Variants in SNX25 observed in about 807,000 individuals in gnomAD.
SNX25 encodes sorting nexin-25.
A neutral mutation model predicts 113.7 loss-of-function variants in SNX25; 62 were observed. The ratio of observed to expected loss-of-function variants is 0.55; its 90% CI spans 0.44 to 0.67. The LOEUF (loss-of-function observed/expected upper bound fraction) is 0.67, where lower values mean the gene tolerates loss of function less well. Among genes scored for constraint, SNX25 ranks in the 30% least tolerant of loss-of-function variants. The pLI, the probability that SNX25 is intolerant of heterozygous loss-of-function variation, is 0.00. For synonymous variants in SNX25, 421 were observed against 436.2 expected, an observed-to-expected ratio of 0.97 and a Z score of 0.43; for missense variants, 1,014 against 1,161.0, an observed-to-expected ratio of 0.87 and a Z score of 1.84.
intron 17 of SNX25, 78 bp downstream of exon 17, chr4:185,362,183 G>A (rs2095367720): frequency 6.9e-7 from 1 of 1,444,476 alleles, no homozygotes; most frequent in African/African-American, 1.4e-5. Context: ...TTTCATTTAT[G>A]TCTTGCAGGA....
the SNX25 span, chr4:185,378,010 C>G: frequency 1.7e-6 from 2 of 1,206,004 alleles, no homozygotes; most frequent in East Asian, 2.4e-5. Context: ...TTTCTTGTCT[C>G]GTTTGCTCTA....
intron 16 of SNX25, among the ~76,000 whole-genome samples, chr4:185,360,950 T>TATATATAGATAG (rs1048534398): frequency 1.4e-5 from 2 of 141,752 alleles, no homozygotes; most frequent in African/African-American, 5.4e-5. Flanking sequence ...TATATATATA[T>TATATATAGATAG]ATAGAATCTG....
chr4:185,204,665 AGATTAACCAG>A (rs1172100315), upstream of SNX25, among the ~76,000 whole-genome samples: 1 of 152,226 alleles, frequency 6.6e-6, no homozygotes, highest in Non-Finnish European at 1.5e-5. Flanking sequence ...CAAAATGGGA[AGATTAACCAG>A]GATTATCCAG....
chr4:185,369,407 G>A (rs1039963770), intron 11 of SNX25, among the ~76,000 whole-genome samples: 4 of 151,550 alleles, frequency 2.6e-5, no homozygotes, highest in African/African-American at 9.7e-5. Context: ...GTAGAGACAG[G>A]ATTATTTAGT....
At chr4:185,253,961 A>G (rs1422718322) in intron 2 of SNX25, among the ~76,000 whole-genome samples, 1 of 152,226 alleles carries the variant, frequency 6.6e-6, no homozygotes, top group African/African-American at 2.4e-5. Context: ...GGAGAACAGA[A>G]CTTTTATGTA....
chr4:185,258,742 T>G (rs377380940), intron 2 of SNX25, 106 bp from the exon 3 acceptor site: 1 of 854,964 alleles, frequency 1.2e-6, no homozygotes, highest in East Asian at 2.5e-5. Context: ...TCTTTAATTT[T>G]AAACAGTGAA....
intron 1 of SNX25, among the ~76,000 whole-genome samples, chr4:185,212,932 T>C (rs976421908): frequency 2.0e-5 from 3 of 152,240 alleles, no homozygotes; most frequent in Non-Finnish European, 2.9e-5. Context: ...CTGGGATCAG[T>C]CCTTCTAGCT....
intron 5 of SNX25, among the ~76,000 whole-genome samples, chr4:185,280,547 A>G (rs1342253470): frequency 6.6e-6 from 1 of 152,214 alleles, no homozygotes; most frequent in African/African-American, 2.4e-5. Flanking sequence ...AACATATGCT[A>G]CTTTAGAGAA....
At chr4:185,271,424 C>T (rs901729750) in intron 5 of SNX25, among the ~76,000 whole-genome samples, 1 of 152,174 alleles carries the variant, frequency 6.6e-6, no homozygotes, top group Non-Finnish European at 1.5e-5. Flanking sequence ...ACTACAGGCA[C>T]ACGCCAGCAC....
intron 4 of SNX25, among the ~76,000 whole-genome samples, chr4:185,265,589 A>C (rs368247361): frequency 1.3e-5 from 2 of 152,344 alleles, no homozygotes; most frequent in Non-Finnish European, 2.9e-5. Context: ...CAGACTTCAT[A>C]AACAGTGTAC....
At chr4:185,298,461 C>G (rs1753163069) in intron 6 of SNX25, among the ~76,000 whole-genome samples, 1 of 152,068 alleles carries the variant, frequency 6.6e-6, no homozygotes, top group Admixed American at 6.6e-5. Flanking sequence ...ATTTTTCATA[C>G]TGAAGTCATG....
At chr4:185,311,390 A>G (rs566212274) in intron 7 of SNX25, among the ~76,000 whole-genome samples, 5 of 152,264 alleles carry the variant, frequency 3.3e-5, no homozygotes, top group African/African-American at 1.2e-4. Flanking sequence ...GTACTGTAAA[A>G]CTTCAGACTG....
chr4:185,350,600 C>T (rs1039031959), intron 13 of SNX25, among the ~76,000 whole-genome samples: 15 of 152,182 alleles, frequency 9.9e-5, no homozygotes, highest in Admixed American at 2.6e-4. Context: ...CGGTGGCTCA[C>T]GCCTGTAATC....
chr4:185,253,738 G>A (rs767500689), intron 2 of SNX25, among the ~76,000 whole-genome samples: 4 of 152,120 alleles, frequency 2.6e-5, no homozygotes, highest in Admixed American at 6.6e-5. Flanking sequence ...CAAAGTGCTG[G>A]GATTACAGGC....
intron 5 of SNX25, among the ~76,000 whole-genome samples, chr4:185,271,102 T>C (rs763296521): frequency 2.0e-5 from 3 of 152,180 alleles, no homozygotes; most frequent in Non-Finnish European, 2.9e-5. Context: ...CAAGGAGTGA[T>C]GGGACACAGG....
At chr4:185,277,074 G>A (rs544705495) in intron 5 of SNX25, among the ~76,000 whole-genome samples, 1 of 152,084 alleles carries the variant, frequency 6.6e-6, no homozygotes, top group Admixed American at 6.5e-5. Context: ...ACCCAGGCTG[G>A]AGTGCAGTGG....
downstream of SNX25, among the ~76,000 whole-genome samples, chr4:185,371,267 C>T (rs143051811): frequency 2.0e-3 from 307 of 152,194 alleles, 1 homozygote; most frequent in African/African-American, 6.9e-3. Flanking sequence ...TGGCTGGGCG[C>T]GGTGGCTCAC....
chr4:185,233,985 G>A (rs1742241824), intron 1 of SNX25, among the ~76,000 whole-genome samples: 1 of 152,216 alleles, frequency 6.6e-6, no homozygotes, highest in African/African-American at 2.4e-5. Flanking sequence ...AGCCTCCCGA[G>A]TAGCTGGGAC....
chr4:185,223,942 A>C (rs1259538438), intron 1 of SNX25, among the ~76,000 whole-genome samples: 3 of 152,230 alleles, frequency 2.0e-5, no homozygotes, highest in African/African-American at 4.8e-5. Context: ...ACATAAAGGT[A>C]CAGTTCGGTA....
Sources: gnomAD v4.1 joint callset for allele counts (sites outside exome capture counted in the v4.1 genomes callset) on GRCh38, gnomAD v4.1.1 for gene constraint, MANE v1.5 for transcripts, NCBI Gene and HGNC (gene_info 2026-07-23, HGNC 2026-07-21) for gene names.